VDR: variants seen among roughly 807,000 people sequenced by gnomAD.
VDR encodes vitamin D3 receptor.
Under a neutral mutation model 39.7 loss-of-function variants are expected in VDR, and 19 were observed. That is an observed-to-expected ratio of 0.48 (90% CI 0.33 to 0.70). VDR has a LOEUF of 0.70. VDR is among the 30% of genes least tolerant of loss of function. The pLI is 0.02. For missense variants in VDR, 442 were observed against 570.5 expected (o/e 0.77, Z 2.29); for synonymous variants, 242 against 215.8 (o/e 1.12, Z -1.07).
At chr12:47,852,040 G>A (rs1354141779) in intron 7 of VDR, among the ~76,000 whole-genome samples, 2 of 152,228 alleles carry the variant, frequency 1.3e-5, no homozygotes, top group Admixed American at 6.5e-5. Context: ...ATGTGGGAGG[G>A]CAATGGATAG....
At chr12:47,855,531 A>G in intron 7 of VDR, 99 bp downstream of exon 7, 1 of 1,436,484 alleles carries the variant, frequency 7.0e-7, no homozygotes, top group South Asian at 1.2e-5. Flanking sequence ...AAAAATAAAA[A>G]ATAAAAAAAA....
At chr12:47,890,377 T>TTATATATA (rs60534556) in intron 1 of VDR, among the ~76,000 whole-genome samples, 6 of 141,912 alleles carry the variant, frequency 4.2e-5, no homozygotes, top group African/African-American at 1.4e-4. Context: ...AATATATATT[T>TTATATATA]TATATATATA....
chr12:47,856,622 T>TAAAAA, intron 6 of VDR, among the ~76,000 whole-genome samples: 1 of 126,182 alleles, frequency 7.9e-6, no homozygotes, highest in South Asian at 2.4e-4. Context: ...GTGTTTTTTT[T>TAAAAA]AAAAAAAAAA....
intron 2 of VDR, among the ~76,000 whole-genome samples, chr12:47,881,927 G>A (rs970871386): frequency 2.0e-5 from 3 of 152,186 alleles, no homozygotes; most frequent in Non-Finnish European, 4.4e-5. Context: ...CCGAGTCATC[G>A]TGGTGTTGCT....
chr12:47,891,566 T>G (rs1946369267), intron 1 of VDR, among the ~76,000 whole-genome samples: 1 of 152,100 alleles, frequency 6.6e-6, no homozygotes, highest in Non-Finnish European at 1.5e-5. Context: ...GTCTGTGGCT[T>G]CTAAAACTCT....
At chr12:47,881,408 T>C (rs887917398) in intron 2 of VDR, among the ~76,000 whole-genome samples, 3 of 152,040 alleles carry the variant, frequency 2.0e-5, no homozygotes, top group East Asian at 3.8e-4. Flanking sequence ...TGGGAGACAA[T>C]TCATTCATAC....
chr12:47,888,269 G>A (rs1464910248), intron 1 of VDR, among the ~76,000 whole-genome samples: 1 of 152,138 alleles, frequency 6.6e-6, no homozygotes, highest in African/African-American at 2.4e-5. Flanking sequence ...CCCACAACAC[G>A]TGGGAATTCT....
intron 1 of VDR, among the ~76,000 whole-genome samples, chr12:47,901,678 G>A (rs888389268): frequency 6.6e-6 from 1 of 152,242 alleles, no homozygotes; most frequent in Non-Finnish European, 1.5e-5. Flanking sequence ...GGTCCCCAGA[G>A]GTCTGGGAAG....
chr12:47,877,158 G>C (rs558900034), intron 3 of VDR, among the ~76,000 whole-genome samples: 5 of 152,310 alleles, frequency 3.3e-5, no homozygotes, highest in East Asian at 1.9e-4. Flanking sequence ...GGCCAAGATG[G>C]AAGGATCGCT....
chr12:47,896,912 C>T (rs1946474308), intron 1 of VDR: 1 of 152,222 alleles, frequency 6.6e-6, no homozygotes, highest in African/African-American at 2.4e-5. Flanking sequence ...CCAGCATCTC[C>T]CTGGCCAGAT....
chr12:47,885,999 C>T (rs761204741), intron 1 of VDR, among the ~76,000 whole-genome samples: 1 of 152,190 alleles, frequency 6.6e-6, no homozygotes, highest in Non-Finnish European at 1.5e-5. Context: ...GGCCCCTAAT[C>T]GACCCCAGGA....
intron 3 of VDR, among the ~76,000 whole-genome samples, chr12:47,872,653 C>T (rs1945906446): frequency 6.6e-6 from 1 of 152,216 alleles, no homozygotes; most frequent in Non-Finnish European, 1.5e-5. Context: ...GAAGCTCTCT[C>T]AGAGCCCCTG....
intron 2 of VDR, 159 bp downstream of exon 2, chr12:47,882,535 A>G: frequency 1.6e-6 from 1 of 637,676 alleles, no homozygotes; most frequent in Non-Finnish European, 2.7e-6. Context: ...ACACTCATGC[A>G]TCTCAGTTGC....
intron 1 of VDR, among the ~76,000 whole-genome samples, chr12:47,891,864 CGCTG>C: frequency 6.6e-6 from 1 of 152,178 alleles, no homozygotes; most frequent in East Asian, 1.9e-4. Context: ...GCCGATGCCC[CGCTG>C]TCTGTTACCA....
At chr12:47,894,003 G>A (rs11168288) in intron 1 of VDR, among the ~76,000 whole-genome samples, 5,976 of 152,264 alleles carry the variant, frequency 0.039, 401 homozygotes, top group African/African-American at 0.14. Flanking sequence ...GCCACAAAGT[G>A]GTAGGAAACA....
Position 47,865,086 on chromosome 12 carries a change from G to C in VDR, c.238C>G (p.Arg80Gly). Reference sequence around the variant, plus strand: ...CCGATGTCCACACAGCGTTTGAGCCGGCAGGCCTGGCAGTGGCGTCGGTTG... The same window carrying C: ...CCGATGTCCACACAGCGTTTGAGCCCGCAGGCCTGGCAGTGGCGTCGGTTG... ...KDNRRHCQAC[R>G]LKRCVDIGMM... The change falls in exon 4 of 10, where the codon CGG (arginine) becomes GGG (glycine). Residue 80 changes from arginine to glycine, a missense_variant. By Grantham distance (125) the Arg-to-Gly change is moderately radical. Around this residue, in one of 5 missense-constraint regions of VDR, gnomAD observed 141 missense variants for 141.3 expected, o/e 1.00. Transcript: ENST00000549336. The C allele has an allele frequency of 6.2e-7, 1 of 1,613,934 alleles. No homozygotes were observed. Among genetic ancestry groups the C allele is most frequent in the Non-Finnish European group, 8.5e-7 (1 of 1,179,806 alleles).
chr12:47,904,462 T>TAAAAAAAAAAAAAAAAAAAAAA (rs17886628), intron 1 of VDR: 17 of 360,348 alleles, frequency 4.7e-5, no homozygotes, highest in South Asian at 2.0e-4. Context: ...CAAAGAAAAG[T>TAAAAAAAAAAAAAAAAAAAAAA]AAAAAAAAAA....
intron 5 of VDR, 97 bp downstream of exon 5, chr12:47,857,407 T>A: frequency 6.2e-7 from 1 of 1,606,174 alleles, no homozygotes; most frequent in Non-Finnish European, 8.5e-7. Flanking sequence ...CCAGTTCTGT[T>A]CAGGATGTCC....
chr12:47,879,220 C>A lies in VDR; in HGVS notation c.-2-105G>T, dbSNP rs569608472. ...CCAGCCTCATCCCACCGCCCCCACC[C>A]CCCACCACCAGGGAGCTCAGCAAGG... On this transcript the variant is annotated intron_variant, in intron 2 of 9. Transcript: ENST00000549336. The A allele has an allele frequency of 1.4e-5, 19 of 1,387,180 alleles. No individual in the cohort carries two copies. In the African/African-American group the frequency reaches 2.6e-4, roughly 19 times the overall value. The allele number at this position is 1,387,180 out of a possible 1,614,324, so 85.9% of individuals were successfully genotyped here.
Sources: gnomAD v4.1 joint callset for allele counts (sites outside exome capture counted in the v4.1 genomes callset) on GRCh38, gnomAD v4.1.1 for gene constraint, gnomAD v4.1.1 regional missense constraint, MANE v1.5 for transcripts, NCBI Gene and HGNC (gene_info 2026-07-23, HGNC 2026-07-21) for gene names.